NCAM2: variants seen among roughly 807,000 people sequenced by gnomAD.
The protein encoded by NCAM2 is N-CAM-2.
A neutral mutation model predicts 98.1 loss-of-function variants in NCAM2; 30 were observed. That is an observed-to-expected ratio of 0.31 (90% CI 0.23 to 0.41). The LOEUF is 0.41. NCAM2 is among the 10% of genes least tolerant of loss of function. NCAM2 has a pLI of 1.00. For missense variants in NCAM2, 867 were observed against 1,005.8 expected, an observed-to-expected ratio of 0.86 and a Z score of 1.87; for synonymous variants, 368 against 342.4, an observed-to-expected ratio of 1.07 and a Z score of -0.83.
chr21:21,249,414 C>T (rs551501013), intron 1 of NCAM2, among the ~76,000 whole-genome samples: 6 of 152,254 alleles, frequency 3.9e-5, no homozygotes, highest in African/African-American at 1.4e-4. Context: ...ACAATACCCA[C>T]CTGCCCCACC....
intron 9 of NCAM2, among the ~76,000 whole-genome samples, chr21:21,391,933 A>C (rs914455181): frequency 3.3e-5 from 5 of 152,164 alleles, no homozygotes; most frequent in African/African-American, 1.2e-4. Context: ...GCCAAAAAAA[A>C]ATTCTTATTT....
intron 1 of NCAM2, among the ~76,000 whole-genome samples, chr21:21,033,392 GA>G (rs1243111408): frequency 6.6e-6 from 1 of 151,922 alleles, no homozygotes; most frequent in African/African-American, 2.4e-5. Flanking sequence ...AGATTAACAG[GA>G]AAAAAAGGCA....
chr21:21,390,081 C>T (rs1027803682), intron 9 of NCAM2, among the ~76,000 whole-genome samples: 1 of 152,112 alleles, frequency 6.6e-6, no homozygotes, highest in Non-Finnish European at 1.5e-5. Flanking sequence ...ATCTCTTGAC[C>T]TCATGATCCA....
chr21:21,385,917 CTTT>C (rs1032967637), intron 9 of NCAM2, among the ~76,000 whole-genome samples: 2 of 151,300 alleles, frequency 1.3e-5, no homozygotes, highest in Admixed American at 1.3e-4. Flanking sequence ...TTTTCATTTA[CTTT>C]TTTTTTCTAT....
intron 5 of NCAM2, among the ~76,000 whole-genome samples, chr21:21,314,598 T>A (rs1045576850): frequency 6.6e-6 from 1 of 152,168 alleles, no homozygotes; most frequent in Non-Finnish European, 1.5e-5. Flanking sequence ...CTTTTCCTTC[T>A]TGGATTTCAT....
At chr21:21,125,117 A>G (rs1047877683) in intron 1 of NCAM2, among the ~76,000 whole-genome samples, 8 of 152,028 alleles carry the variant, frequency 5.3e-5, no homozygotes, top group African/African-American at 1.4e-4. Context: ...TGCATATGAT[A>G]GAAATACTAT....
chr21:21,288,028 G>C (rs956799392), intron 4 of NCAM2, among the ~76,000 whole-genome samples: 1 of 151,774 alleles, frequency 6.6e-6, no homozygotes, highest in African/African-American at 2.4e-5. Flanking sequence ...ATAAGCCGAT[G>C]CCAAAGTCTC....
intron 5 of NCAM2, among the ~76,000 whole-genome samples, chr21:21,293,303 G>A (rs552617942): frequency 6.9e-6 from 1 of 144,792 alleles, no homozygotes; most frequent in African/African-American, 2.6e-5. Context: ...TTTTTTTCTT[G>A]AATTCATACA....
intron 2 of NCAM2, among the ~76,000 whole-genome samples, chr21:21,281,555 T>G (rs932208775): frequency 3.9e-5 from 6 of 152,080 alleles, no homozygotes; most frequent in African/African-American, 1.4e-4. Context: ...CCAAAGAAAT[T>G]TAAATATTTC....
At chr21:21,352,438 C>T (rs1337186262) in intron 8 of NCAM2, among the ~76,000 whole-genome samples, 1 of 151,800 alleles carries the variant, frequency 6.6e-6, no homozygotes, top group Admixed American at 6.6e-5. Context: ...TTATTTAGAT[C>T]GTCTCTTATT....
chr21:21,104,517 G>C (rs2066306272), intron 1 of NCAM2, among the ~76,000 whole-genome samples: 1 of 152,056 alleles, frequency 6.6e-6, no homozygotes, highest in Admixed American at 6.6e-5. Flanking sequence ...CTTTGCTCTT[G>C]TGAAGCATAT....
intron 15 of NCAM2, among the ~76,000 whole-genome samples, chr21:21,499,304 T>C (rs1250635305): frequency 6.6e-6 from 1 of 152,112 alleles, no homozygotes. Context: ...TGCAGTGGCG[T>C]GATCTCGGCT....
At chr21:21,391,690 C>T (rs2076383498) in intron 9 of NCAM2, among the ~76,000 whole-genome samples, 1 of 152,120 alleles carries the variant, frequency 6.6e-6, no homozygotes, top group South Asian at 2.1e-4. Flanking sequence ...AAATTTCCTG[C>T]CCTTGGAATG....
At position 21,480,458 on chromosome 21, in the gene NCAM2, T is replaced by G. The variant is rs185473126; in HGVS notation, c.2077+2987T>G. On this transcript the variant is annotated intron_variant, in intron 15 of 17. Coordinates refer to ENST00000400546, the MANE Select transcript of NCAM2 (RefSeq NM_004540.5). ...AAAGGAAACATGCAGGAATGAACTT[T>G]CCAGGGAAAATGTGTGACGTGGAAG... 2.9e-3 allele frequency among the ~76,000 whole-genome samples: 445 copies of G among 152,006 alleles called. 11 individuals carry two copies. The highest frequency in any genetic ancestry group is 0.023 in the Admixed American group (355 of 15,256).
intron 1 of NCAM2, 84 bp from the exon 2 acceptor site, chr21:21,280,494 A>G: frequency 1.1e-6 from 1 of 898,356 alleles, no homozygotes; most frequent in Non-Finnish European, 1.7e-6. Flanking sequence ...CAGCGTTTGG[A>G]CCATGTGGTT....
chr21:21,384,646 A>T (rs534533131), intron 9 of NCAM2, among the ~76,000 whole-genome samples: 11 of 152,092 alleles, frequency 7.2e-5, no homozygotes, highest in African/African-American at 2.6e-4. Context: ...ATACAAGATT[A>T]TTACCTTCTA....
intron 8 of NCAM2, among the ~76,000 whole-genome samples, chr21:21,358,635 G>T (rs1025483130): frequency 2.6e-5 from 4 of 152,008 alleles, no homozygotes; most frequent in African/African-American, 9.7e-5. Context: ...AATCATGATA[G>T]TTTTGGCATT....
chr21:21,403,984 G>A (rs1225520842), intron 9 of NCAM2, among the ~76,000 whole-genome samples: 2 of 151,368 alleles, frequency 1.3e-5, no homozygotes, highest in South Asian at 2.1e-4. Context: ...CTTAATATAT[G>A]GTATCATAAT....
chr21:21,395,952 G>A (rs2076496365), intron 9 of NCAM2, among the ~76,000 whole-genome samples: 1 of 151,886 alleles, frequency 6.6e-6, no homozygotes, highest in Non-Finnish European at 1.5e-5. Context: ...ATTGGCTTAG[G>A]CAAAAACTTC....
Sources: allele counts gnomAD v4.1 joint callset (sites outside exome capture counted in the v4.1 genomes callset), GRCh38; gene constraint gnomAD v4.1.1; transcripts MANE v1.5; gene names NCBI Gene and HGNC (gene_info 2026-07-23, HGNC 2026-07-21).